PUM2: variants seen among roughly 807,000 people sequenced by gnomAD.
PUM2 encodes pumilio homolog 2.
In PUM2, 57 loss-of-function variants were observed where a neutral mutation model predicts 124.5. The ratio of observed to expected loss-of-function variants is 0.46; its 90% CI spans 0.37 to 0.57. PUM2 has a LOEUF of 0.57. Among genes scored for constraint, PUM2 ranks in the 20% least tolerant of loss-of-function variants. The probability of loss-of-function intolerance (pLI) is 0.00; values close to 1 mark genes in which losing one functional copy is unlikely to be tolerated. For missense variants in PUM2, 1,065 were observed against 1,290.6 expected, an observed-to-expected ratio of 0.83 and a Z score of 2.68; for synonymous variants, 460 against 446.1, an observed-to-expected ratio of 1.03 and a Z score of -0.39.
At position 20,308,014 on chromosome 2, in the gene PUM2, G is replaced by A; in HGVS notation, c.847C>T (p.Gln283Ter). 2 of 1,613,502 alleles carry A rather than the reference G, an allele frequency of 1.2e-6. No individual in the cohort carries two copies. Among genetic ancestry groups the A allele is most frequent in the Non-Finnish European group, 1.7e-6 (2 of 1,179,468 alleles). Reference sequence around the variant, plus strand: ...TGCTGAGCTGCTGCTAATGCATATTGCTGCTGTTGAGCTGCAGTTAACTGT... The same window carrying A: ...TGCTGAGCTGCTGCTAATGCATATTACTGCTGTTGAGCTGCAGTTAACTGT... ...VQQLTAAQQQ[Q>*]YALAAAQQPH... The change falls in exon 7 of 21, where the codon CAA (glutamine) becomes TAA (stop). Residue 283 changes from glutamine (Q) to a stop codon, truncating the protein, a stop_gained. Transcript: ENST00000361078. LOFTEE classifies it high-confidence loss of function.
chr2:20,303,665 T>G (rs1677533325), intron 7 of PUM2, among the ~76,000 whole-genome samples: 1 of 152,200 alleles, frequency 6.6e-6, no homozygotes, highest in Non-Finnish European at 1.5e-5. Flanking sequence ...AGCTTTTCAT[T>G]TCTCCTTTAC....
chr2:20,302,664 T>G (rs755818273), intron 7 of PUM2, among the ~76,000 whole-genome samples: 2 of 152,232 alleles, frequency 1.3e-5, no homozygotes, highest in Non-Finnish European at 2.9e-5. Flanking sequence ...CACACTATTT[T>G]AATTGTCATA....
chr2:20,297,597 T>C lies in PUM2; in HGVS notation c.965A>G (p.Asp322Gly). Residue 322 changes from aspartate (D) to glycine (G), a missense_variant, in exon 8 of 21, where the codon GAT becomes GGT. Asp to Gly is a moderately conservative substitution (Grantham distance 94). Around this residue, in one of 3 missense-constraint regions of PUM2, gnomAD observed 968 missense variants for 1,159.8 expected, o/e 0.83. Coordinates refer to ENST00000361078, the MANE Select transcript of PUM2 (RefSeq NM_015317.5). ...YIISAAPPGT[D>G]PYTAAGLAAA... The stretch of plus-strand genomic sequence containing the variant: ...AGCCAATCCTGCTGCAGTATACGGA[T>C]CGGTCCCTGGAGGAGCAGCACTAAT... The C allele has an allele frequency of 1.2e-6, 2 of 1,613,366 alleles. No homozygotes were observed. The highest frequency in any genetic ancestry group is 1.7e-6 in the Non-Finnish European group (2 of 1,179,400).
At chr2:20,329,499 AT>A (rs1684446308) in intron 1 of PUM2, among the ~76,000 whole-genome samples, 1 of 152,080 alleles carries the variant, frequency 6.6e-6, no homozygotes, top group Non-Finnish European at 1.5e-5. Flanking sequence ...TGGAGCATAT[AT>A]ATACAGACTG....
chr2:20,314,143 C>T (rs1187817442), intron 3 of PUM2, among the ~76,000 whole-genome samples: 3 of 151,962 alleles, frequency 2.0e-5, no homozygotes, highest in Non-Finnish European at 4.4e-5. Flanking sequence ...ACCCTGCTCC[C>T]CACTGCAAAT....
At chr2:20,347,351 A>G (rs1284835438) in intron 1 of PUM2, among the ~76,000 whole-genome samples, 1 of 152,240 alleles carries the variant, frequency 6.6e-6, no homozygotes, top group Non-Finnish European at 1.5e-5. Flanking sequence ...TTAAAAAGAT[A>G]ACTCTCGAGT....
At chr2:20,267,922 T>C (rs982479609) in intron 13 of PUM2, among the ~76,000 whole-genome samples, 5 of 152,222 alleles carry the variant, frequency 3.3e-5, no homozygotes, top group African/African-American at 1.2e-4. Context: ...TTTAGCCTTA[T>C]GTAAACTATG....
At chr2:20,259,171 TA>T (rs1180856759) in intron 15 of PUM2, among the ~76,000 whole-genome samples, 2 of 152,262 alleles carry the variant, frequency 1.3e-5, no homozygotes, top group African/African-American at 4.8e-5. Flanking sequence ...ACTATAGTGT[TA>T]TTCATTAACT....
intron 13 of PUM2, among the ~76,000 whole-genome samples, chr2:20,273,165 C>G (rs1008318603): frequency 1.3e-5 from 2 of 152,152 alleles, no homozygotes; most frequent in African/African-American, 4.8e-5. Context: ...TCAGTGTTTT[C>G]ATGTGGAGGC....
chr2:20,331,934 GCAC>G (rs1358916185), intron 1 of PUM2: 2 of 152,176 alleles, frequency 1.3e-5, no homozygotes, highest in East Asian at 3.8e-4. Context: ...TAGCACGAAA[GCAC>G]CTATAGACAA....
At chr2:20,262,446 G>A (rs1406897663) in intron 14 of PUM2, among the ~76,000 whole-genome samples, 1 of 152,196 alleles carries the variant, frequency 6.6e-6, no homozygotes, top group Non-Finnish European at 1.5e-5. Context: ...CAGCCTAGGC[G>A]CAATATACAG....
chr2:20,343,743 T>C (rs1203555571), intron 1 of PUM2, among the ~76,000 whole-genome samples: 2 of 152,170 alleles, frequency 1.3e-5, no homozygotes, highest in Non-Finnish European at 2.9e-5. Flanking sequence ...CAAGGCAACA[T>C]AGTGAGACCT....
intron 2 of PUM2, among the ~76,000 whole-genome samples, chr2:20,325,722 C>T (rs1029594315): frequency 4.6e-5 from 7 of 151,660 alleles, no homozygotes; most frequent in South Asian, 2.1e-4. Context: ...CCCGGGTTCA[C>T]GCCATTCTCC....
chr2:20,346,450 A>G (rs1224311436), intron 1 of PUM2, among the ~76,000 whole-genome samples: 1 of 152,196 alleles, frequency 6.6e-6, no homozygotes, highest in Admixed American at 6.5e-5. Flanking sequence ...TTGACTGCCT[A>G]ATAAAGACCT....
intron 12 of PUM2, among the ~76,000 whole-genome samples, chr2:20,281,328 T>C (rs545225870): frequency 1.3e-5 from 2 of 152,228 alleles, no homozygotes; most frequent in South Asian, 4.1e-4. Context: ...AAAATGTTCA[T>C]GTCAATCAAT....
intron 7 of PUM2, among the ~76,000 whole-genome samples, chr2:20,301,850 A>T (rs1474180792): frequency 6.6e-6 from 1 of 152,156 alleles, no homozygotes; most frequent in Non-Finnish European, 1.5e-5. Flanking sequence ...CAATGCTGGG[A>T]TTACAGGCGT....
At chr2:20,332,496 G>C (rs1685137687) in intron 1 of PUM2, among the ~76,000 whole-genome samples, 1 of 151,516 alleles carries the variant, frequency 6.6e-6, no homozygotes, top group Non-Finnish European at 1.5e-5. Context: ...TTACGAGAAA[G>C]AGAATGAAGG....
intron 15 of PUM2, 151 bp downstream of exon 15, chr2:20,260,186 G>T: frequency 1.2e-6 from 1 of 834,798 alleles, no homozygotes; most frequent in Non-Finnish European, 1.7e-6. Flanking sequence ...TGGATAAAAT[G>T]TTTACCGCAT....
At chr2:20,282,821 C>CTAGT in intron 12 of PUM2, 126 bp downstream of exon 12, 3 of 1,072,980 alleles carry the variant, frequency 2.8e-6, no homozygotes, top group Non-Finnish European at 3.9e-6. Flanking sequence ...ACAAATTAAA[C>CTAGT]CAGTAGTCCA....
Sources: gnomAD v4.1 joint callset for allele counts (sites outside exome capture counted in the v4.1 genomes callset) on GRCh38, gnomAD v4.1.1 for gene constraint, gnomAD v4.1.1 regional missense constraint, MANE v1.5 for transcripts, NCBI Gene and HGNC (gene_info 2026-07-23, HGNC 2026-07-21) for gene names.